CDC14A: variants seen among roughly 807,000 people sequenced by gnomAD.
CDC14A encodes the protein dual specificity protein phosphatase CDC14A.
CDC14A carries 53 observed loss-of-function variants against 74.4 expected under a neutral mutation model. The observed-to-expected ratio is 0.71, with a 90% CI of 0.57 to 0.89. The LOEUF (loss-of-function observed/expected upper bound fraction) is 0.89. Ranked by LOEUF, CDC14A falls within the 40% of genes least tolerant of loss-of-function variation. The pLI is 0.00. For missense variants in CDC14A, 646 were observed against 713.7 expected (o/e 0.91, Z 1.08); for synonymous variants, 247 against 258.4 (o/e 0.96, Z 0.43).
At chr1:100,509,062 A>G (rs1283653912) in intron 15 of CDC14A, among the ~76,000 whole-genome samples, 1 of 152,090 alleles carries the variant, frequency 6.6e-6, no homozygotes, top group African/African-American at 2.4e-5. Context: ...ACTCCTGAGC[A>G]TGAACCTTCT....
chr1:100,486,385 C>T (rs1160884372), intron 11 of CDC14A, among the ~76,000 whole-genome samples: 1 of 152,154 alleles, frequency 6.6e-6, no homozygotes, highest in African/African-American at 2.4e-5. Context: ...TTAAATAAGA[C>T]AGTTTTAAAT....
intron 5 of CDC14A, 21 bp from the exon 6 acceptor site, chr1:100,439,911 T>G: frequency 3.2e-6 from 5 of 1,572,276 alleles, no homozygotes; most frequent in Non-Finnish European, 4.4e-6. Context: ...TTTTTAATGT[T>G]GAGTTTATTT....
intron 2 of CDC14A, among the ~76,000 whole-genome samples, chr1:100,359,483 T>C (rs12130612): frequency 0.13 from 20,030 of 152,064 alleles, 1,628 homozygotes; most frequent in Non-Finnish European, 0.17. Flanking sequence ...TCCCTCTAAC[T>C]TGGGTGGTGA....
intron 2 of CDC14A, among the ~76,000 whole-genome samples, chr1:100,375,824 T>C (rs894044474): frequency 8.5e-5 from 13 of 152,226 alleles, no homozygotes; most frequent in African/African-American, 3.1e-4. Context: ...TTATAAATCA[T>C]GCTGCTATAA....
chr1:100,419,863 A>G (rs7517704), intron 4 of CDC14A, among the ~76,000 whole-genome samples: 49,392 of 151,068 alleles, frequency 0.33, 9,626 homozygotes, highest in East Asian at 0.54. Context: ...TCTTTTTCAC[A>G]CAAGTAAAAT....
intron 3 of CDC14A, among the ~76,000 whole-genome samples, chr1:100,385,865 C>CT (rs1367574941): frequency 1.3e-5 from 2 of 152,120 alleles, no homozygotes; most frequent in Non-Finnish European, 2.9e-5. Context: ...AGAGGGCTGG[C>CT]TATGTCCACT....
intron 10 of CDC14A, among the ~76,000 whole-genome samples, chr1:100,470,790 T>C (rs1363097501): frequency 2.0e-5 from 3 of 151,984 alleles, no homozygotes; most frequent in Non-Finnish European, 4.4e-5. Flanking sequence ...AAAAAAGAAG[T>C]TTTACTACAA....
intron 7 of CDC14A, among the ~76,000 whole-genome samples, chr1:100,455,076 CT>C (rs3834081): frequency 0.12 from 18,495 of 152,096 alleles, 3,319 homozygotes; most frequent in African/African-American, 0.39. Context: ...TTCCCATTTT[CT>C]CTTATTTATC....
At chr1:100,444,547 C>G (rs1665319201) in intron 7 of CDC14A, among the ~76,000 whole-genome samples, 1 of 152,194 alleles carries the variant, frequency 6.6e-6, no homozygotes, top group East Asian at 1.9e-4. Flanking sequence ...ACTCTGTGTT[C>G]CAGCTCCTCA....
At chr1:100,365,091 C>T (rs1653381011) in intron 2 of CDC14A, among the ~76,000 whole-genome samples, 1 of 152,196 alleles carries the variant, frequency 6.6e-6, no homozygotes, top group African/African-American at 2.4e-5. Context: ...TATTGGGGTT[C>T]TCTCCTTCCT....
chr1:100,405,653 C>T (rs1659849072), intron 4 of CDC14A, among the ~76,000 whole-genome samples: 1 of 152,158 alleles, frequency 6.6e-6, no homozygotes, highest in South Asian at 2.1e-4. Flanking sequence ...TCCTGTGTTA[C>T]TTTGCTGTGG....
At chr1:100,475,175 A>T (rs926714405) in intron 10 of CDC14A, among the ~76,000 whole-genome samples, 1 of 151,978 alleles carries the variant, frequency 6.6e-6, no homozygotes, top group African/African-American at 2.4e-5. Context: ...AAATTCTCTC[A>T]TCTCTCCATT....
intron 10 of CDC14A, among the ~76,000 whole-genome samples, chr1:100,471,882 T>C (rs926226196): frequency 2.0e-5 from 3 of 152,144 alleles, no homozygotes; most frequent in African/African-American, 7.2e-5. Context: ...GAAAAATCAG[T>C]GAAGCTTCTG....
intron 9 of CDC14A, among the ~76,000 whole-genome samples, chr1:100,464,032 C>CA (rs1365480263): frequency 6.6e-6 from 1 of 152,084 alleles, no homozygotes; most frequent in Admixed American, 6.5e-5. Context: ...CTTATTCAGA[C>CA]GAGTATGGCT....
At chr1:100,385,698 T>C (rs1283282255) in intron 3 of CDC14A, among the ~76,000 whole-genome samples, 1 of 152,172 alleles carries the variant, frequency 6.6e-6, no homozygotes, top group Non-Finnish European at 1.5e-5. Context: ...TAAAACACAG[T>C]GTGCTCATTA....
intron 4 of CDC14A, among the ~76,000 whole-genome samples, chr1:100,409,564 T>C (rs1376453840): frequency 6.6e-6 from 1 of 152,188 alleles, no homozygotes; most frequent in African/African-American, 2.4e-5. Context: ...ATTGGGTAAG[T>C]ACAGCCATTC....
At chr1:100,469,930 T>A (rs1668225878) in intron 10 of CDC14A, among the ~76,000 whole-genome samples, 1 of 152,220 alleles carries the variant, frequency 6.6e-6, no homozygotes, top group Non-Finnish European at 1.5e-5. Flanking sequence ...GAAGAAAGGC[T>A]TTTAAATTTA....
chr1:100,373,345 G>C (rs1025492899), intron 2 of CDC14A, among the ~76,000 whole-genome samples: 5 of 152,144 alleles, frequency 3.3e-5, no homozygotes, highest in Non-Finnish European at 5.9e-5. Context: ...TATCTTATTT[G>C]GGTACAGTTT....
At chr1:100,375,898 C>A (rs1655171668) in intron 2 of CDC14A, among the ~76,000 whole-genome samples, 1 of 152,136 alleles carries the variant, frequency 6.6e-6, no homozygotes, top group South Asian at 2.1e-4. Flanking sequence ...GGAACCAACC[C>A]AAATGCCCAT....
Sources: gnomAD v4.1 joint callset for allele counts (sites outside exome capture counted in the v4.1 genomes callset) on GRCh38, gnomAD v4.1.1 for gene constraint, MANE v1.5 for transcripts, NCBI Gene and HGNC (gene_info 2026-07-23, HGNC 2026-07-21) for gene names.